Variants in CDH8 observed in about 807,000 individuals in gnomAD.
The protein encoded by CDH8 is cadherin-8.
CDH8 carries 17 observed loss-of-function variants against 68.1 expected under a neutral mutation model. The observed-to-expected ratio is 0.25, with a 90% CI of 0.17 to 0.37. The LOEUF is 0.37. Ranked by LOEUF, CDH8 falls within the 10% of genes least tolerant of loss-of-function variation. CDH8 has a pLI of 1.00. For synonymous variants in CDH8, 372 were observed against 365.1 expected (o/e 1.02, Z -0.21); for missense variants, 763 against 999.3 (o/e 0.76, Z 3.19).
chr16:61,840,405 T>C (rs1476952498), intron 4 of CDH8, among the ~76,000 whole-genome samples: 1 of 152,200 alleles, frequency 6.6e-6, no homozygotes, highest in Non-Finnish European at 1.5e-5. Context: ...TCTTGGTCCA[T>C]GTGCATTCTA....
intron 4 of CDH8, among the ~76,000 whole-genome samples, chr16:61,829,937 C>T (rs911943571): frequency 6.6e-6 from 1 of 151,802 alleles, no homozygotes; most frequent in African/African-American, 2.4e-5. Flanking sequence ...TGTCCTGGAT[C>T]CTCTTATTTT....
chr16:61,897,597 A>C (rs1963891492), intron 3 of CDH8, among the ~76,000 whole-genome samples: 1 of 152,238 alleles, frequency 6.6e-6, no homozygotes, highest in South Asian at 2.1e-4. Flanking sequence ...TCTGACACAC[A>C]ATCAATAGAT....
intron 10 of CDH8, chr16:61,667,370 GT>G (rs1433490258): frequency 6.6e-6 from 1 of 151,890 alleles, no homozygotes. Context: ...CAAACTGAAT[GT>G]TTACCCAACA....
chr16:61,963,746 T>A (rs144295845), intron 2 of CDH8, among the ~76,000 whole-genome samples: 1 of 152,230 alleles, frequency 6.6e-6, no homozygotes, highest in Non-Finnish European at 1.5e-5. Flanking sequence ...AGGAATCAAA[T>A]ATTCCTCAAT....
intron 7 of CDH8, 119 bp downstream of exon 7, chr16:61,817,360 T>G: frequency 2.2e-6 from 2 of 896,406 alleles, no homozygotes; most frequent in Non-Finnish European, 3.6e-6. Flanking sequence ...CCAACCAACA[T>G]TATTTGGTCA....
intron 1 of CDH8, among the ~76,000 whole-genome samples, chr16:62,024,291 T>C (rs540551240): frequency 1.3e-5 from 2 of 152,136 alleles, no homozygotes; most frequent in Non-Finnish European, 2.9e-5. Flanking sequence ...GAAACAATGA[T>C]AATAACACTG....
intron 2 of CDH8, among the ~76,000 whole-genome samples, chr16:61,910,042 A>AT (rs1280182973): frequency 6.6e-6 from 1 of 152,114 alleles, no homozygotes; most frequent in African/African-American, 2.4e-5. Flanking sequence ...CACAAATCTC[A>AT]TTTTTTTATA....
chr16:61,775,931 G>C (rs1960889244), intron 8 of CDH8, among the ~76,000 whole-genome samples: 1 of 152,034 alleles, frequency 6.6e-6, no homozygotes, highest in South Asian at 2.1e-4. Flanking sequence ...TAGCAAAAGT[G>C]AATTAATACA....
chr16:61,999,869 G>A (rs1965866987), intron 2 of CDH8, among the ~76,000 whole-genome samples: 1 of 151,966 alleles, frequency 6.6e-6, no homozygotes, highest in Non-Finnish European at 1.5e-5. Context: ...ATACATACAT[G>A]TACCACGGTG....
intron 8 of CDH8, among the ~76,000 whole-genome samples, chr16:61,742,983 T>A (rs1959916941): frequency 6.6e-6 from 1 of 152,232 alleles, no homozygotes; most frequent in Non-Finnish European, 1.5e-5. Context: ...TTATGCCATT[T>A]TGCAAAGCCT....
At chr16:61,670,832 A>T (rs185606485) in intron 10 of CDH8, among the ~76,000 whole-genome samples, 169 of 152,090 alleles carry the variant, frequency 1.1e-3, no homozygotes, top group African/African-American at 3.9e-3. Flanking sequence ...AAGCTTGACA[A>T]AGAGATAATT....
At chr16:61,788,359 A>G (rs958637122) in intron 8 of CDH8, among the ~76,000 whole-genome samples, 3 of 152,100 alleles carry the variant, frequency 2.0e-5, no homozygotes, top group East Asian at 1.9e-4. Context: ...ATATTTCTCT[A>G]TATGGTATGT....
rs1451100163 is a variant in CDH8 at position 61,706,491 on chromosome 16, G to T, written c.1654+7350C>A. Among the ~76,000 whole-genome samples the T allele has an allele frequency of 2.0e-5, 3 of 151,890 alleles. No homozygotes were observed. The South Asian group carries it at 6.2e-4, about 31-fold the overall frequency. On this transcript the variant is annotated intron_variant, in intron 10 of 11. Transcript: ENST00000577390. ...AAAAAATTAGCCGGGCGTGGTGGCG[G>T]GCGCCTGTAGTCCCGGCTACTCAGG...
chr16:61,831,081 C>A (rs558492080), intron 4 of CDH8, among the ~76,000 whole-genome samples: 21 of 151,842 alleles, frequency 1.4e-4, no homozygotes, highest in African/African-American at 5.1e-4. Flanking sequence ...ACTTGGTATT[C>A]AGGGGTACCT....
chr16:61,707,506 A>AT (rs1259109891), intron 10 of CDH8, among the ~76,000 whole-genome samples: 1 of 151,952 alleles, frequency 6.6e-6, no homozygotes, highest in Admixed American at 6.6e-5. Flanking sequence ...TCCCAAGACA[A>AT]TTTTTTTCAT....
At chr16:61,967,758 G>C (rs1965276629) in intron 2 of CDH8, among the ~76,000 whole-genome samples, 1 of 152,164 alleles carries the variant, frequency 6.6e-6, no homozygotes, top group Non-Finnish European at 1.5e-5. Flanking sequence ...GATTAGGGAT[G>C]CTCAATCTGT....
chr16:61,776,895 C>T, intron 8 of CDH8, among the ~76,000 whole-genome samples: 1 of 151,912 alleles, frequency 6.6e-6, no homozygotes, highest in East Asian at 1.9e-4. Flanking sequence ...TACACCAAAC[C>T]CCCAGGACAC....
chr16:61,972,846 C>A (rs1007473534), intron 2 of CDH8, among the ~76,000 whole-genome samples: 10 of 152,078 alleles, frequency 6.6e-5, no homozygotes, highest in African/African-American at 2.4e-4. Flanking sequence ...AAGAAGCAGT[C>A]TGCATAATGA....
At chr16:61,729,873 AG>A (rs923703067) in intron 8 of CDH8, among the ~76,000 whole-genome samples, 1 of 151,458 alleles carries the variant, frequency 6.6e-6, no homozygotes, top group Non-Finnish European at 1.5e-5. Flanking sequence ...CTCCTTCTGA[AG>A]TGAAAAAATT....
Sources: allele counts gnomAD v4.1 joint callset (sites outside exome capture counted in the v4.1 genomes callset), GRCh38; gene constraint gnomAD v4.1.1; transcripts MANE v1.5; gene names NCBI Gene and HGNC (gene_info 2026-07-23, HGNC 2026-07-21).